Variants in PACRG observed in about 807,000 individuals in gnomAD.
The protein encoded by PACRG is parkin coregulated gene protein.
A neutral mutation model predicts 29.7 loss-of-function variants in PACRG; 29 were observed. The ratio of observed to expected loss-of-function variants is 0.98; its 90% CI spans 0.73 to 1.33. The LOEUF (loss-of-function observed/expected upper bound fraction) is 1.33, where lower values mean the gene tolerates loss of function less well. PACRG is among the 40% of genes most tolerant of loss of function. The probability of loss-of-function intolerance (pLI) is 0.00; values close to 1 mark genes in which losing one functional copy is unlikely to be tolerated. For missense variants in PACRG, 279 were observed against 316.2 expected, an observed-to-expected ratio of 0.88 and a Z score of 0.89; for synonymous variants, 116 against 118.7, an observed-to-expected ratio of 0.98 and a Z score of 0.15.
At chr6:163,067,585 T>G (rs911526541) in intron 3 of PACRG, among the ~76,000 whole-genome samples, 4 of 152,090 alleles carry the variant, frequency 2.6e-5, no homozygotes, top group Non-Finnish European at 5.9e-5. Flanking sequence ...CCAAGGTAAC[T>G]TGTAAAAAAA....
intron 4 of PACRG, among the ~76,000 whole-genome samples, chr6:163,148,812 C>A (rs548052271): frequency 6.6e-6 from 1 of 152,214 alleles, no homozygotes; most frequent in Admixed American, 6.5e-5. Context: ...CTCTCCTGAA[C>A]GTGCTCTGTG....
intron 1 of PACRG, among the ~76,000 whole-genome samples, chr6:162,756,140 T>C (rs1045014948): frequency 7.9e-5 from 12 of 152,336 alleles, no homozygotes; most frequent in Admixed American, 7.8e-4. Flanking sequence ...TGGAATGTTC[T>C]GTTTATGTCT....
In PACRG at chr6:163,306,745, T is replaced by C. The variant is rs566368224; in HGVS notation, c.614-8082T>C. ...ATGCTTATGAGGTTTCTGACTTACTTTGAAGAATTACATAGTTGCTTTGTG... is the reference window on the plus strand; with the variant it reads ...ATGCTTATGAGGTTTCTGACTTACTCTGAAGAATTACATAGTTGCTTTGTG... On this transcript the variant is annotated intron_variant, in intron 4 of 4. Coordinates refer to ENST00000366888, the MANE Select transcript of PACRG (RefSeq NM_001080379.2). 5.3e-5 allele frequency among the ~76,000 whole-genome samples: 8 copies of C among 152,226 alleles called. No individual in the cohort carries two copies. In the South Asian group the frequency reaches 1.2e-3, roughly 24 times the overall value.
In PACRG at chr6:162,835,627, C is replaced by G. The variant is rs558599045; in HGVS notation, c.291+21346C>G. 7.2e-5 allele frequency among the ~76,000 whole-genome samples: 11 copies of G among 152,056 alleles called. No homozygotes were observed. The South Asian group carries it at 2.3e-3, about 32-fold the overall frequency. ...ATCATGCATCTCGACAATGAAAAAC[C>G]GAAGGGTTTGTGAAATTCTATCCTA... is the stretch of plus-strand genomic sequence containing the variant. On this transcript the variant is annotated intron_variant, in intron 2 of 4. Transcript: ENST00000366888.
At position 162,915,746 on chromosome 6, in the gene PACRG, TCA is replaced by T. The variant is rs1796656860; in HGVS notation, c.291+101468_291+101469del. Among the ~76,000 whole-genome samples, 6 of 152,252 alleles carry T rather than the reference TCA, an allele frequency of 3.9e-5. No homozygotes were observed. In the South Asian group the frequency reaches 1.2e-3, roughly 32 times the overall value. On this transcript the variant is annotated intron_variant, in intron 2 of 4. Transcript: ENST00000366888. ...TATTACAATATATATACCTAACCTT[TCA>T]CAGTCTACTTGGAGTTATTATTGTA...
chr6:163,101,209 T>C (rs1280632047), intron 4 of PACRG: 2 of 982,716 alleles, frequency 2.0e-6, no homozygotes, highest in African/African-American at 3.5e-5. Flanking sequence ...TGAAAGTATC[T>C]TTGTCACAAA....
chr6:163,175,415 G>A (rs193029140), intron 4 of PACRG, among the ~76,000 whole-genome samples: 81 of 152,092 alleles, frequency 5.3e-4, no homozygotes, highest in Admixed American at 1.4e-3. Context: ...GGCTTGCGGG[G>A]GAGTGGGACC....
At chr6:162,967,880 G>C (rs993123221) in intron 2 of PACRG, among the ~76,000 whole-genome samples, 1 of 152,040 alleles carries the variant, frequency 6.6e-6, no homozygotes. Context: ...CAAACAAAAC[G>C]TTCATAAATT....
intron 3 of PACRG, among the ~76,000 whole-genome samples, chr6:163,084,093 T>C (rs187365281): frequency 6.6e-6 from 1 of 152,342 alleles, no homozygotes; most frequent in Admixed American, 6.5e-5. Context: ...AGCAGTACAA[T>C]AGAAATCCAA....
At chr6:163,092,634 G>A (rs1814213174) in intron 4 of PACRG, among the ~76,000 whole-genome samples, 2 of 152,120 alleles carry the variant, frequency 1.3e-5, no homozygotes, top group Non-Finnish European at 2.9e-5. Context: ...ATCCCTTAAA[G>A]TCTGTAATCA....
chr6:162,789,390 G>A (rs1328522574), intron 1 of PACRG, among the ~76,000 whole-genome samples: 1 of 152,060 alleles, frequency 6.6e-6, no homozygotes, highest in East Asian at 1.9e-4. Context: ...TTTAGTTTTT[G>A]TAGCATAACC....
At chr6:162,813,166 G>GT (rs1043374402) in intron 1 of PACRG, among the ~76,000 whole-genome samples, 72 of 151,570 alleles carry the variant, frequency 4.8e-4, no homozygotes, top group Middle Eastern at 3.5e-3. Context: ...TAAAATTGGA[G>GT]TTTTTAACAA....
chr6:163,290,898 G>A (rs1208836068), intron 4 of PACRG, among the ~76,000 whole-genome samples: 1 of 152,120 alleles, frequency 6.6e-6, no homozygotes, highest in East Asian at 1.9e-4. Context: ...GGGTTGCGTC[G>A]GTGGGGCCTC....
At chr6:162,813,429 A>T (rs1189095643) in intron 1 of PACRG, among the ~76,000 whole-genome samples, 2 of 152,102 alleles carry the variant, frequency 1.3e-5, no homozygotes, top group East Asian at 3.8e-4. Flanking sequence ...TTCCAATGTA[A>T]ATACAGATTT....
intron 1 of PACRG, among the ~76,000 whole-genome samples, chr6:162,735,934 A>G (rs1261068354): frequency 3.3e-5 from 5 of 152,240 alleles, no homozygotes; most frequent in Non-Finnish European, 7.3e-5. Context: ...AAGTGTAATT[A>G]AAGTAGAAAG....
At chr6:162,918,149 G>A (rs1796824202) in intron 2 of PACRG, among the ~76,000 whole-genome samples, 2 of 152,156 alleles carry the variant, frequency 1.3e-5, no homozygotes, top group Admixed American at 6.5e-5. Flanking sequence ...GTAGAAGGAA[G>A]CTAATTGTCA....
intron 4 of PACRG, among the ~76,000 whole-genome samples, chr6:163,215,000 T>C (rs1781305337): frequency 1.3e-5 from 2 of 152,198 alleles, no homozygotes; most frequent in Admixed American, 1.3e-4. Context: ...CTACCTTCTA[T>C]GTAAGTTATA....
At position 162,977,863 on chromosome 6, in the gene PACRG, G is replaced by A. The variant is rs777144550; in HGVS notation, c.292-84287G>A. Among the ~76,000 whole-genome samples the A allele has an allele frequency of 7.9e-5, 12 of 152,070 alleles. No individual in the cohort carries two copies. The South Asian group carries it at 8.3e-4, about 11-fold the overall frequency. On this transcript the variant is annotated intron_variant, in intron 2 of 4. Transcript: ENST00000366888. ...TGACATATGTATAAAGATGTTTATG[G>A]CCAGGCACAGTGGCTCACGTCTGTA...
At chr6:163,019,849 T>C (rs1806447343) in intron 2 of PACRG, among the ~76,000 whole-genome samples, 1 of 152,252 alleles carries the variant, frequency 6.6e-6, no homozygotes, top group South Asian at 2.1e-4. Flanking sequence ...TGCTTTCTTA[T>C]TTCCTTAATT....
Sources: gnomAD v4.1 joint callset for allele counts (sites outside exome capture counted in the v4.1 genomes callset) on GRCh38, gnomAD v4.1.1 for gene constraint, MANE v1.5 for transcripts, NCBI Gene and HGNC (gene_info 2026-07-23, HGNC 2026-07-21) for gene names.